The following HPGDS variants were observed in gnomAD, a reference collection of about 807,000 sequenced individuals.
HPGDS encodes GST class-sigma.
HPGDS carries 26 observed loss-of-function variants against 23.1 expected under a neutral mutation model. That is an observed-to-expected ratio of 1.13 (90% CI 0.83 to 1.56). The LOEUF is 1.56. HPGDS is among the 40% of genes most tolerant of loss of function. The probability of loss-of-function intolerance (pLI) is 0.00; values close to 1 mark genes in which losing one functional copy is unlikely to be tolerated. For synonymous variants in HPGDS, 95 were observed against 77.9 expected, an observed-to-expected ratio of 1.22 and a Z score of -1.16; for missense variants, 268 against 236.4, an observed-to-expected ratio of 1.13 and a Z score of -0.88.
chr4:94,337,219 C>A (rs28581732), intron 1 of HPGDS, among the ~76,000 whole-genome samples: 20,452 of 152,076 alleles, frequency 0.13, 1,696 homozygotes, highest in Non-Finnish European at 0.19. Flanking sequence ...AATCCACCCC[C>A]CTTGGCCTCC....
intron 2 of HPGDS, among the ~76,000 whole-genome samples, chr4:94,318,926 C>T (rs533797710): frequency 2.7e-4 from 41 of 152,106 alleles, no homozygotes; most frequent in African/African-American, 8.7e-4. Context: ...TTGGCCAGGC[C>T]GGTCTTGAAT....
At chr4:94,315,034 T>TGTCACCC (rs1297104618) in intron 3 of HPGDS, among the ~76,000 whole-genome samples, 3 of 152,198 alleles carry the variant, frequency 2.0e-5, no homozygotes, top group Non-Finnish European at 4.4e-5. Context: ...AGGTGCCGTC[T>TGTCACCC]GTCACCCTTT....
chr4:94,312,874 T>C (rs982870575), intron 3 of HPGDS, among the ~76,000 whole-genome samples: 43 of 152,082 alleles, frequency 2.8e-4, no homozygotes, highest in Non-Finnish European at 5.4e-4. Context: ...TGAATTGATC[T>C]CTTTACCATT....
chr4:94,301,164 G>A (rs992454775), intron 5 of HPGDS, among the ~76,000 whole-genome samples: 6 of 152,090 alleles, frequency 3.9e-5, no homozygotes, highest in African/African-American at 1.4e-4. Flanking sequence ...CACCCAGAAG[G>A]GCTGAACAGG....
intron 1 of HPGDS, among the ~76,000 whole-genome samples, chr4:94,336,200 C>T (rs1299504831): frequency 2.8e-5 from 3 of 105,954 alleles, no homozygotes; most frequent in African/African-American, 8.5e-5. Flanking sequence ...AGTGAGACGC[C>T]GTCTCAAAAA....
At chr4:94,312,455 G>T (rs1180919624) in intron 3 of HPGDS, among the ~76,000 whole-genome samples, 4 of 152,308 alleles carry the variant, frequency 2.6e-5, no homozygotes, top group African/African-American at 9.6e-5. Context: ...GGTTTTGAGT[G>T]AGTTTCTTAA....
chr4:94,321,358 T>G (rs1054377475), intron 2 of HPGDS, among the ~76,000 whole-genome samples: 2 of 152,200 alleles, frequency 1.3e-5, no homozygotes, highest in African/African-American at 2.4e-5. Context: ...TTGGGCAGTA[T>G]GGCCATTTTC....
intron 1 of HPGDS, among the ~76,000 whole-genome samples, chr4:94,334,907 A>G (rs544765448): frequency 1.3e-5 from 2 of 152,362 alleles, no homozygotes; most frequent in East Asian, 3.9e-4. Context: ...ATTCAGATTA[A>G]GAGGGTAACT....
At chr4:94,318,332 G>T (rs1355694986) in intron 2 of HPGDS, among the ~76,000 whole-genome samples, 2 of 152,136 alleles carry the variant, frequency 1.3e-5, no homozygotes, top group Non-Finnish European at 2.9e-5. Context: ...ATTATGAAGA[G>T]TTTGATTTAC....
chr4:94,306,542 C>T (rs1756141844), intron 4 of HPGDS, among the ~76,000 whole-genome samples: 1 of 151,954 alleles, frequency 6.6e-6, no homozygotes, highest in Non-Finnish European at 1.5e-5. Flanking sequence ...AGGAAATGAC[C>T]GGATATGTCT....
At chr4:94,340,311 C>CTTTCTTTCTTTCTTTTTCTTTTCTTTTT in intron 1 of HPGDS, among the ~76,000 whole-genome samples, 2 of 23,678 alleles carry the variant, frequency 8.4e-5, no homozygotes, top group African/African-American at 1.5e-4. Flanking sequence ...CTTTCTTTCT[C>CTTTCTTTCTTTCTTTTTCTTTTCTTTTT]TTTTTTTTTT....
At chr4:94,319,872 A>G (rs545583091) in intron 2 of HPGDS, among the ~76,000 whole-genome samples, 1 of 152,160 alleles carries the variant, frequency 6.6e-6, no homozygotes, top group South Asian at 2.1e-4. Flanking sequence ...TTAACTCATC[A>G]TTTACATTAG....
chr4:94,316,042 C>T (rs1372987408), intron 3 of HPGDS, among the ~76,000 whole-genome samples: 3 of 152,080 alleles, frequency 2.0e-5, no homozygotes, highest in Admixed American at 2.0e-4. Flanking sequence ...CCTTTTTTTA[C>T]CCAACAAATA....
chr4:94,309,344 C>G (rs1756212195), intron 3 of HPGDS, among the ~76,000 whole-genome samples: 3 of 133,024 alleles, frequency 2.3e-5, no homozygotes, highest in African/African-American at 8.4e-5. Context: ...TGGTTCAATT[C>G]CCACCTATGA....
In HPGDS at chr4:94,313,026, T is replaced by A. The variant is rs570778101; in HGVS notation, c.227-4283A>T. Among the ~76,000 whole-genome samples the A allele has an allele frequency of 4.9e-3, 741 of 152,282 alleles. 3 individuals carry two copies. The highest frequency in any genetic ancestry group is 0.017 in the African/African-American group (699 of 41,512). On this transcript the variant is annotated intron_variant, in intron 3 of 5. Coordinates refer to ENST00000295256, the MANE Select transcript of HPGDS (RefSeq NM_014485.3). ...TCCATCCCTTTATTTTGAGCCTATG[T>A]GTGTCTCTGCACGTGAGATGGGTTT...
At position 94,317,942 on chromosome 4, in the gene HPGDS, T is replaced by C; in HGVS notation, c.157A>G (p.Ile53Val). Reference sequence around the variant, plus strand: ...AGAGTAAGTCCATCAACTTCCAAAATGGGGATTTTTCCAAATGGGAGAGCT... The same window carrying C: ...AGAGTAAGTCCATCAACTTCCAAAACGGGGATTTTTCCAAATGGGAGAGCT... Reference protein sequence around the residue: ...KSTLPFGKIPILEVDGLTLHQ... With the variant: ...KSTLPFGKIPVLEVDGLTLHQ... The change falls in exon 3 of 6, where the codon ATT (isoleucine) becomes GTT (valine). Residue 53 changes from isoleucine (I) to valine (V), a missense_variant. Ile to Val is a conservative substitution (Grantham distance 29). Coordinates refer to ENST00000295256, the MANE Select transcript of HPGDS (RefSeq NM_014485.3). The C allele has an allele frequency of 6.2e-7, 1 of 1,610,878 alleles. No homozygotes were observed. Among genetic ancestry groups the C allele is most frequent in the East Asian group, 2.2e-5 (1 of 44,740 alleles).
At chr4:94,323,984 C>G (rs1756575558) in intron 2 of HPGDS, among the ~76,000 whole-genome samples, 1 of 152,096 alleles carries the variant, frequency 6.6e-6, no homozygotes. Context: ...GCATTTGCTT[C>G]TCTGTGAAGG....
chr4:94,315,075 C>T (rs1756367860), intron 3 of HPGDS, among the ~76,000 whole-genome samples: 2 of 152,308 alleles, frequency 1.3e-5, no homozygotes, highest in South Asian at 2.1e-4. Flanking sequence ...TCACCTAACC[C>T]CTTGCACTTC....
intron 2 of HPGDS, among the ~76,000 whole-genome samples, chr4:94,325,043 G>T (rs917676123): frequency 6.6e-6 from 1 of 152,188 alleles, no homozygotes; most frequent in East Asian, 1.9e-4. Context: ...GCTGGAGTTT[G>T]CTGGAGGTCC....
Sources: allele counts gnomAD v4.1 joint callset (sites outside exome capture counted in the v4.1 genomes callset), GRCh38; gene constraint gnomAD v4.1.1; transcripts MANE v1.5; gene names NCBI Gene and HGNC (gene_info 2026-07-23, HGNC 2026-07-21).